PRPF18: variants seen among roughly 807,000 people sequenced by gnomAD.
PRPF18 encodes pre-mRNA processing factor 18, also known as pre-mRNA-splicing factor 18.
Under a neutral mutation model 46.5 loss-of-function variants are expected in PRPF18, and 38 were observed. The observed-to-expected ratio is 0.82, with a 90% CI of 0.63 to 1.07. The LOEUF is 1.07. Among genes scored for constraint, PRPF18 ranks in the 50% least tolerant of loss-of-function variants. The pLI is 0.00. For synonymous variants in PRPF18, 152 were observed against 146.7 expected, an observed-to-expected ratio of 1.04 and a Z score of -0.26; for missense variants, 263 against 410.0, an observed-to-expected ratio of 0.64 and a Z score of 3.10.
chr10:13,640,647 A>G, the PRPF18 span: 1 of 152,192 alleles, frequency 6.6e-6, no homozygotes, highest in Non-Finnish European at 1.5e-5. Context: ...CTCCTACTTA[A>G]TAGCACCTTC....
At chr10:13,594,092 A>G (rs1273348203) in intron 1 of PRPF18, among the ~76,000 whole-genome samples, 1 of 152,258 alleles carries the variant, frequency 6.6e-6, no homozygotes, top group African/African-American at 2.4e-5. Context: ...TTTTATTTAC[A>G]TAGGACACAT....
At chr10:13,632,564 T>C (rs2080599664), downstream of PRPF18, 1 of 152,220 alleles carries the variant, frequency 6.6e-6, no homozygotes, top group East Asian at 1.9e-4. Context: ...TTGCAGTTAG[T>C]TAATGTTCCA....
At chr10:13,634,810 G>A (rs1307036073), downstream of PRPF18, among the ~76,000 whole-genome samples, 2 of 152,132 alleles carry the variant, frequency 1.3e-5, no homozygotes, top group Non-Finnish European at 1.5e-5. Context: ...TATGCTGGTG[G>A]TTATCCTCAA....
Position 13,605,693 on chromosome 10 carries a change from T to C in PRPF18, c.312T>C (p.Asp104=). The change falls in exon 4 of 10, where the codon GAT becomes GAC. Residue 104 remains aspartate, a synonymous_variant. Transcript: ENST00000378572. ...GACTATTTGGAGAGACTGATTATGA[T>C]GCTTTTCAACGTTTAAGGAAAATAG... is the stretch of plus-strand genomic sequence containing the variant. The part of the protein sequence containing the change: ...PIRLFGETDY[D]AFQRLRKIEI... 6.2e-7 allele frequency: 1 copy of C among 1,613,696 alleles called. No homozygotes were observed. The highest frequency in any genetic ancestry group is 8.5e-7 in the Non-Finnish European group (1 of 1,179,894).
chr10:13,608,531 C>T (rs1189902291), intron 4 of PRPF18, among the ~76,000 whole-genome samples: 2 of 152,214 alleles, frequency 1.3e-5, no homozygotes, highest in African/African-American at 2.4e-5. Flanking sequence ...TTTTCCTTTG[C>T]TTGCTGTGTT....
chr10:13,623,294 G>A (rs2080447470), intron 9 of PRPF18, among the ~76,000 whole-genome samples: 1 of 152,108 alleles, frequency 6.6e-6, no homozygotes, highest in Admixed American at 6.5e-5. Flanking sequence ...TGATAGAAAT[G>A]TACTTACTAA....
At chr10:13,625,964 T>A (rs1461156202) in intron 9 of PRPF18, among the ~76,000 whole-genome samples, 1 of 152,258 alleles carries the variant, frequency 6.6e-6, no homozygotes, top group African/African-American at 2.4e-5. Context: ...TAGTGCTTAC[T>A]GTGCTTCCCT....
chr10:13,611,002 A>T (rs951711269), intron 5 of PRPF18, among the ~76,000 whole-genome samples: 6 of 152,206 alleles, frequency 3.9e-5, no homozygotes, highest in African/African-American at 1.4e-4. Flanking sequence ...TAAAGTTCTT[A>T]ATGCTTAAGG....
the PRPF18 span, chr10:13,654,368 GAC>G: frequency 3.4e-6 from 4 of 1,170,620 alleles, no homozygotes; most frequent in African/African-American, 1.5e-5. Flanking sequence ...GAACGTCTAT[GAC>G]ACTCTTTCGA....
intron 9 of PRPF18, among the ~76,000 whole-genome samples, chr10:13,625,110 G>C (rs1448747301): frequency 6.6e-6 from 1 of 152,122 alleles, no homozygotes; most frequent in African/African-American, 2.4e-5. Context: ...GAGGTGGGAG[G>C]GGTGCTTGAG....
At chr10:13,611,593 A>G in intron 5 of PRPF18, 22 bp from the exon 6 acceptor site, 1 of 1,603,392 alleles carries the variant, frequency 6.2e-7, no homozygotes, top group Non-Finnish European at 8.5e-7. Flanking sequence ...AATGAACAGA[A>G]GCATTGTTTC....
At chr10:13,637,122 T>G in the PRPF18 span, 1 of 152,238 alleles carries the variant, frequency 6.6e-6, no homozygotes, top group African/African-American at 2.4e-5. Context: ...TTTGCATGGA[T>G]GTTTTATATG....
chr10:13,599,118 G>C (rs1448047227), intron 2 of PRPF18, among the ~76,000 whole-genome samples: 3 of 152,264 alleles, frequency 2.0e-5, no homozygotes, highest in African/African-American at 7.2e-5. Context: ...GTAAAGCACA[G>C]GTGTTTCTTT....
chr10:13,625,272 C>T (rs1444554610), intron 9 of PRPF18, among the ~76,000 whole-genome samples: 1 of 152,104 alleles, frequency 6.6e-6, no homozygotes, highest in African/African-American at 2.4e-5. Context: ...GAGCTAGGAT[C>T]GTGCCACTGC....
At chr10:13,650,388 C>G in the PRPF18 span, among the ~76,000 whole-genome samples, 2 of 152,100 alleles carry the variant, frequency 1.3e-5, no homozygotes, top group Non-Finnish European at 1.5e-5. Context: ...ATGTGTGTCC[C>G]TGCATGTGCA....
the PRPF18 span, chr10:13,654,163 TCCATCTCCCCACATCCCAAGGA>T: frequency 2.5e-5 from 14 of 560,416 alleles, no homozygotes; most frequent in Non-Finnish European, 4.4e-5. Context: ...ACTTCGTGCT[TCCATCTCCCCACATCCCAAGGA>T]CCACCGCCTA....
chr10:13,592,623 G>A (rs557636594), intron 1 of PRPF18, among the ~76,000 whole-genome samples: 2 of 152,324 alleles, frequency 1.3e-5, no homozygotes, highest in East Asian at 1.9e-4. Context: ...GCCCTGCCTG[G>A]TGTAACCACC....
rs772783525 is a variant in PRPF18, at chr10:13,600,367, G to T, written c.249+19G>T. The T allele has an allele frequency of 6.4e-7, 1 of 1,552,704 alleles. No homozygotes were observed. Among genetic ancestry groups the T allele is most frequent in the South Asian group, 1.1e-5 (1 of 88,322 alleles). ...GCAAGAGGTAAGTTTATTTGTGATG[G>T]TTTCATGAGAATAAGATCTCCACGG... On this transcript the variant is annotated intron_variant, in intron 3 of 9. Coordinates refer to ENST00000378572, the MANE Select transcript of PRPF18 (RefSeq NM_003675.4).
At chr10:13,589,872 G>T (rs944442082) in intron 1 of PRPF18, among the ~76,000 whole-genome samples, 13 of 152,250 alleles carry the variant, frequency 8.5e-5, no homozygotes, top group African/African-American at 2.2e-4. Context: ...ATGGGGAAAA[G>T]CTTGTTCATA....
Sources: allele counts gnomAD v4.1 joint callset (sites outside exome capture counted in the v4.1 genomes callset), GRCh38; gene constraint gnomAD v4.1.1; transcripts MANE v1.5; gene names NCBI Gene and HGNC (gene_info 2026-07-23, HGNC 2026-07-21).